The following GMDS variants were observed in gnomAD, a reference collection of about 807,000 sequenced individuals.
The protein encoded by GMDS is GDP-mannose 4,6-dehydratase, also known as GDP-mannose 4,6 dehydratase.
Under a neutral mutation model 49.9 loss-of-function variants are expected in GMDS, and 20 were observed. That is an observed-to-expected ratio of 0.40 (90% CI 0.28 to 0.58). The LOEUF (loss-of-function observed/expected upper bound fraction) is 0.58. Ranked by LOEUF, GMDS falls within the 20% of genes least tolerant of loss-of-function variation. The pLI is 0.42. For synonymous variants in GMDS, 177 were observed against 178.6 expected (o/e 0.99, Z 0.07); for missense variants, 362 against 481.4 (o/e 0.75, Z 2.32).
intron 7 of GMDS, among the ~76,000 whole-genome samples, chr6:1,882,384 T>C (rs1759403624): frequency 6.6e-6 from 1 of 152,238 alleles, no homozygotes; most frequent in African/African-American, 2.4e-5. Flanking sequence ...CAAGGATATA[T>C]GCGTGTGTGT....
intron 6 of GMDS, among the ~76,000 whole-genome samples, chr6:1,952,640 G>A (rs1036373381): frequency 1.3e-5 from 2 of 152,094 alleles, no homozygotes; most frequent in African/African-American, 4.8e-5. Flanking sequence ...GAAGAAGGTA[G>A]TGATGGATCT....
At chr6:1,855,661 A>C (rs914857217) in intron 7 of GMDS, among the ~76,000 whole-genome samples, 1 of 152,254 alleles carries the variant, frequency 6.6e-6, no homozygotes, top group Non-Finnish European at 1.5e-5. Flanking sequence ...GGACCAAGTG[A>C]TAAAAATGTT....
intron 4 of GMDS, among the ~76,000 whole-genome samples, chr6:2,031,447 A>G (rs1034270675): frequency 3.3e-5 from 5 of 152,150 alleles, no homozygotes; most frequent in African/African-American, 1.2e-4. Flanking sequence ...GACACCCAAC[A>G]AGATAAATAA....
chr6:2,103,687 G>A (rs998640028), intron 4 of GMDS, among the ~76,000 whole-genome samples: 3 of 152,152 alleles, frequency 2.0e-5, no homozygotes, highest in Non-Finnish European at 1.5e-5. Context: ...AGATCCTCAT[G>A]ACTGTGATCT....
intron 4 of GMDS, among the ~76,000 whole-genome samples, chr6:2,036,769 A>C (rs1170797072): frequency 6.6e-6 from 1 of 152,190 alleles, no homozygotes; most frequent in East Asian, 1.9e-4. Context: ...AACAAGATAA[A>C]ACAAGCTGCA....
intron 4 of GMDS, among the ~76,000 whole-genome samples, chr6:2,072,344 T>G (rs17134651): frequency 2.0e-5 from 3 of 152,104 alleles, no homozygotes; most frequent in Non-Finnish European, 4.4e-5. Context: ...TCGTGAATAT[T>G]TGAAGAAAAG....
chr6:1,827,209 A>G (rs1338743940), intron 7 of GMDS, among the ~76,000 whole-genome samples: 7 of 151,680 alleles, frequency 4.6e-5, no homozygotes, highest in Admixed American at 4.6e-4. Context: ...TCCTGGATAC[A>G]CACTCGCTTC....
intron 4 of GMDS, among the ~76,000 whole-genome samples, chr6:2,082,097 A>G (rs1159647474): frequency 6.6e-6 from 1 of 152,226 alleles, no homozygotes; most frequent in African/African-American, 2.4e-5. Context: ...AATTATATGC[A>G]TAGTAATAAC....
intron 7 of GMDS, among the ~76,000 whole-genome samples, chr6:1,900,092 C>A (rs958127829): frequency 1.3e-5 from 2 of 152,240 alleles, no homozygotes; most frequent in East Asian, 3.9e-4. Context: ...CTATTTTCTA[C>A]ATGAACTGTC....
intron 1 of GMDS, among the ~76,000 whole-genome samples, chr6:2,153,140 A>G (rs1305137192): frequency 6.6e-6 from 1 of 152,240 alleles, no homozygotes; most frequent in Non-Finnish European, 1.5e-5. Flanking sequence ...TGGAAACAAC[A>G]TTTTAGGAAG....
At chr6:2,131,888 C>G (rs975558324) in intron 1 of GMDS, among the ~76,000 whole-genome samples, 3 of 151,108 alleles carry the variant, frequency 2.0e-5, no homozygotes, top group African/African-American at 7.3e-5. Context: ...GCCACTCATA[C>G]TGAAGTTTTC....
intron 7 of GMDS, among the ~76,000 whole-genome samples, chr6:1,909,246 T>G (rs1346678815): frequency 6.6e-6 from 1 of 152,142 alleles, no homozygotes; most frequent in Non-Finnish European, 1.5e-5. Context: ...CTGCTCTCCA[T>G]GATGAAATTA....
At chr6:1,642,604 G>A (rs1561693540) in intron 9 of GMDS, among the ~76,000 whole-genome samples, 1 of 152,190 alleles carries the variant, frequency 6.6e-6, no homozygotes, top group Non-Finnish European at 1.5e-5. Context: ...AGGTCAACCT[G>A]GTCTTTGTCC....
At chr6:1,980,432 TA>T (rs66838040) in intron 4 of GMDS, among the ~76,000 whole-genome samples, 62,645 of 146,640 alleles carry the variant, frequency 0.43, 13,274 homozygotes, top group Non-Finnish European at 0.47. Flanking sequence ...CAACAAAGAT[TA>T]AAAAAAAAAA....
intron 9 of GMDS, among the ~76,000 whole-genome samples, chr6:1,680,530 AC>A (rs1415786259): frequency 7.6e-6 from 1 of 132,018 alleles, no homozygotes; most frequent in South Asian, 2.5e-4. Flanking sequence ...CGGCACCGTG[AC>A]CTGACTTCTC....
rs769534794 is a variant in GMDS at position 1,930,241 on chromosome 6, G to A, written c.644-11C>T. On this transcript the variant is annotated splice_polypyrimidine_tract_variant and intron_variant, in intron 6 of 10. Coordinates refer to ENST00000380815, the MANE Select transcript of GMDS (RefSeq NM_001500.4). The stretch of plus-strand genomic sequence containing the variant: ...TAACGAAATTAGCTCCTAAAAAGAG[G>A]CAAAAGATGTAGTATCAGTCAAGTG... The A allele has an allele frequency of 1.9e-6, 3 of 1,610,760 alleles. No individual in the cohort carries two copies. In the Admixed American group the frequency reaches 5.0e-5, roughly 27 times the overall value.
chr6:1,672,281 G>A (rs1764456596), intron 9 of GMDS, among the ~76,000 whole-genome samples: 1 of 152,196 alleles, frequency 6.6e-6, no homozygotes, highest in South Asian at 2.1e-4. Context: ...GTGAATGAGA[G>A]TCAGGATAGA....
chr6:1,672,990 T>C (rs1764476596), intron 9 of GMDS, among the ~76,000 whole-genome samples: 1 of 149,150 alleles, frequency 6.7e-6, no homozygotes. Context: ...GGATTGGGAA[T>C]TGCGAAGTCT....
intron 1 of GMDS, among the ~76,000 whole-genome samples, chr6:2,193,659 G>T (rs1779151723): frequency 6.6e-6 from 1 of 151,906 alleles, no homozygotes; most frequent in Non-Finnish European, 1.5e-5. Context: ...TGTAAAGGTG[G>T]CAAATACACA....
Sources: allele counts gnomAD v4.1 joint callset (sites outside exome capture counted in the v4.1 genomes callset), GRCh38; gene constraint gnomAD v4.1.1; transcripts MANE v1.5; gene names NCBI Gene and HGNC (gene_info 2026-07-23, HGNC 2026-07-21).